Variants in RARB observed in about 807,000 individuals in gnomAD.
The protein encoded by RARB is retinoic acid receptor beta.
RARB carries 17 observed loss-of-function variants against 51.9 expected under a neutral mutation model. That is an observed-to-expected ratio of 0.33 (90% CI 0.22 to 0.49). The LOEUF is 0.49. RARB is among the 20% of genes least tolerant of loss of function. RARB has a pLI of 0.99. For missense variants in RARB, 369 were observed against 550.8 expected, an observed-to-expected ratio of 0.67 and a Z score of 3.30; for synonymous variants, 215 against 195.4, an observed-to-expected ratio of 1.10 and a Z score of -0.84.
At chr3:25,377,889 G>A (rs992852673) in intron 5 of RARB, among the ~76,000 whole-genome samples, 4 of 152,094 alleles carry the variant, frequency 2.6e-5, no homozygotes, top group Admixed American at 2.6e-4. Flanking sequence ...AATAGCCAAA[G>A]CCCACTTCTT....
At chr3:25,566,012 G>A (rs1449850594) in intron 3 of RARB, among the ~76,000 whole-genome samples, 1 of 152,084 alleles carries the variant, frequency 6.6e-6, no homozygotes, top group African/African-American at 2.4e-5. Flanking sequence ...CCAGGGGAAC[G>A]AGTCCCTGCA....
At chr3:25,595,761 G>T (rs1701793610) in intron 7 of RARB, among the ~76,000 whole-genome samples, 1 of 152,096 alleles carries the variant, frequency 6.6e-6, no homozygotes, top group Non-Finnish European at 1.5e-5. Context: ...CTACCTAGTG[G>T]GTATTGTACT....
intron 2 of RARB, among the ~76,000 whole-genome samples, chr3:24,919,087 A>T (rs1464144425): frequency 3.3e-5 from 5 of 152,196 alleles, no homozygotes; most frequent in African/African-American, 7.2e-5. Flanking sequence ...TGTCCCTCAT[A>T]GTAATTTTAA....
At chr3:25,373,562 T>C (rs574760008) in intron 5 of RARB, among the ~76,000 whole-genome samples, 7 of 152,324 alleles carry the variant, frequency 4.6e-5, no homozygotes, top group African/African-American at 1.7e-4. Context: ...TCTCCTCTAA[T>C]CATTTTTAGC....
At chr3:25,252,618 G>T (rs1348443222) in intron 5 of RARB, among the ~76,000 whole-genome samples, 2 of 152,084 alleles carry the variant, frequency 1.3e-5, no homozygotes, top group African/African-American at 4.8e-5. Flanking sequence ...TTACAGTCAG[G>T]ATTGTTTCAT....
At chr3:25,510,219 CCAG>C (rs1181747415) in intron 3 of RARB, among the ~76,000 whole-genome samples, 2 of 152,166 alleles carry the variant, frequency 1.3e-5, no homozygotes, top group Non-Finnish European at 2.9e-5. Context: ...ATTCTAATTC[CCAG>C]CATCCTTTCA....
chr3:25,514,502 C>G (rs1054216562), intron 3 of RARB, among the ~76,000 whole-genome samples: 1 of 151,518 alleles, frequency 6.6e-6, no homozygotes, highest in African/African-American at 2.4e-5. Flanking sequence ...AAAATACCTC[C>G]ATGATTAAAA....
intron 3 of RARB, among the ~76,000 whole-genome samples, chr3:25,502,956 G>A (rs1306404554): frequency 2.0e-5 from 3 of 152,202 alleles, no homozygotes; most frequent in African/African-American, 4.8e-5. Context: ...ACCCATTACA[G>A]CTTTTGGAAT....
At chr3:25,098,556 A>G (rs1290099786) in intron 3 of RARB, among the ~76,000 whole-genome samples, 1 of 152,192 alleles carries the variant, frequency 6.6e-6, no homozygotes, top group Non-Finnish European at 1.5e-5. Flanking sequence ...ATGAACCTAG[A>G]TCAGGATTAA....
intron 3 of RARB, among the ~76,000 whole-genome samples, chr3:25,531,630 C>T (rs1259149353): frequency 1.3e-5 from 2 of 151,426 alleles, no homozygotes; most frequent in African/African-American, 2.4e-5. Context: ...GGTTAGCAAA[C>T]GCTCTCTGGC....
At chr3:25,460,471 G>A (rs1026467647) in intron 1 of RARB, among the ~76,000 whole-genome samples, 7 of 99,748 alleles carry the variant, frequency 7.0e-5, no homozygotes, top group African/African-American at 2.6e-4. Context: ...TTTTTGAGAC[G>A]GAGTCTTGCT....
At chr3:25,290,266 C>T (rs962012089) in intron 5 of RARB, among the ~76,000 whole-genome samples, 29 of 152,066 alleles carry the variant, frequency 1.9e-4, no homozygotes, top group Admixed American at 4.6e-4. Flanking sequence ...AATCATTAAT[C>T]CAATAGGACT....
At chr3:25,511,174 C>T (rs1361493274) in intron 3 of RARB, among the ~76,000 whole-genome samples, 1 of 151,970 alleles carries the variant, frequency 6.6e-6, no homozygotes, top group Non-Finnish European at 1.5e-5. Context: ...GCTCTGTTGC[C>T]CAGGCTGGAG....
chr3:25,064,367 CTTT>C (rs1218684805), intron 3 of RARB, among the ~76,000 whole-genome samples: 1 of 151,998 alleles, frequency 6.6e-6, no homozygotes, highest in East Asian at 1.9e-4. Flanking sequence ...CCCAAAGTAT[CTTT>C]TTGATATACA....
At chr3:25,019,751 A>T (rs1697588082) in intron 2 of RARB, among the ~76,000 whole-genome samples, 1 of 152,178 alleles carries the variant, frequency 6.6e-6, no homozygotes, top group Non-Finnish European at 1.5e-5. Context: ...TTTGCTACTT[A>T]GGAAGATAAA....
chr3:25,578,142 G>A (rs142057869), intron 4 of RARB, among the ~76,000 whole-genome samples: 1 of 152,330 alleles, frequency 6.6e-6, no homozygotes, highest in East Asian at 1.9e-4. Flanking sequence ...ACGCTTCGCT[G>A]GTGCTCCCCA....
intron 2 of RARB, among the ~76,000 whole-genome samples, chr3:25,026,062 A>G (rs1004026290): frequency 2.6e-5 from 4 of 152,132 alleles, no homozygotes; most frequent in Non-Finnish European, 4.4e-5. Flanking sequence ...GTACAAAGTG[A>G]TTTTTAAGTT....
At chr3:24,919,531 A>G (rs1158446675) in intron 2 of RARB, among the ~76,000 whole-genome samples, 1 of 151,934 alleles carries the variant, frequency 6.6e-6, no homozygotes, top group African/African-American at 2.4e-5. Flanking sequence ...ACTGTACGTC[A>G]CTTTCTTTTT....
intron 5 of RARB, among the ~76,000 whole-genome samples, chr3:25,203,978 C>A (rs529778587): frequency 3.3e-5 from 5 of 152,084 alleles, no homozygotes; most frequent in African/African-American, 4.8e-5. Flanking sequence ...GTTGGCCTGC[C>A]TTGCTAGGTT....
Sources: allele counts gnomAD v4.1 joint callset (sites outside exome capture counted in the v4.1 genomes callset), GRCh38; gene constraint gnomAD v4.1.1; transcripts MANE v1.5; gene names NCBI Gene and HGNC (gene_info 2026-07-23, HGNC 2026-07-21).